The following PPP2R5A variants were observed in gnomAD, a reference collection of about 807,000 sequenced individuals.
The protein encoded by PPP2R5A is serine/threonine-protein phosphatase 2A 56 kDa regulatory subunit alpha isoform.
PPP2R5A carries 25 observed loss-of-function variants against 64.2 expected under a neutral mutation model. The observed-to-expected ratio is 0.39, with a 90% CI of 0.28 to 0.54. The LOEUF is 0.54. Among genes scored for constraint, PPP2R5A ranks in the 20% least tolerant of loss-of-function variants. The pLI is 0.67. For missense variants in PPP2R5A, 425 were observed against 576.3 expected, an observed-to-expected ratio of 0.74 and a Z score of 2.69; for synonymous variants, 198 against 201.2, an observed-to-expected ratio of 0.98 and a Z score of 0.13.
intron 1 of PPP2R5A, among the ~76,000 whole-genome samples, chr1:212,289,973 G>A (rs564766801): frequency 8.5e-5 from 13 of 152,264 alleles, no homozygotes; most frequent in Middle Eastern, 3.4e-3. Context: ...TTTACCAAGC[G>A]AAGAAATCAA....
intron 8 of PPP2R5A, among the ~76,000 whole-genome samples, chr1:212,350,789 TTTTA>T (rs766575789): frequency 4.1e-4 from 62 of 151,954 alleles, no homozygotes; most frequent in Non-Finnish European, 4.1e-4. Context: ...ACAAATAAAA[TTTTA>T]TTTAATTAAT....
At chr1:212,316,569 T>A (rs1191032305) in intron 1 of PPP2R5A, among the ~76,000 whole-genome samples, 4 of 147,772 alleles carry the variant, frequency 2.7e-5, no homozygotes, top group African/African-American at 1.0e-4. Flanking sequence ...TCCATGGATA[T>A]TTAACCTTTG....
At chr1:212,342,358 G>A in intron 4 of PPP2R5A, 78 bp downstream of exon 4, 3 of 1,499,806 alleles carry the variant, frequency 2.0e-6, no homozygotes, top group Non-Finnish European at 2.7e-6. Context: ...AAATAGTGTA[G>A]TCTTTCAAAA....
chr1:212,356,661 C>T lies in PPP2R5A; in HGVS notation c.963C>T (p.Thr321=). The change falls in exon 9 of 13, where the codon ACC becomes ACT. Residue 321 remains threonine, a synonymous_variant. Coordinates refer to ENST00000261461, the MANE Select transcript of PPP2R5A (RefSeq NM_006243.4). ...GACTGCTGAAATTTTGGCCAAAAACCTGCAGTCAGAAAGAGGTGGGTTTTG... is the reference window on the plus strand; with the variant it reads ...GACTGCTGAAATTTTGGCCAAAAACTTGCAGTCAGAAAGAGGTGGGTTTTG... The part of the protein sequence containing the change: ...IRGLLKFWPK[T]CSQKEVMFLG... 6.2e-7 allele frequency: 1 copy of T among 1,612,526 alleles called. No individual in the cohort carries two copies. The highest frequency in any genetic ancestry group is 1.1e-5 in the South Asian group (1 of 90,732).
rs1660084190 is a variant in PPP2R5A at position 212,361,601 on chromosome 1, G to A, written c.*831G>A. 6.5e-6 allele frequency: 1 copy of A among 152,706 alleles called. No homozygotes were observed. The highest frequency in any genetic ancestry group is 2.1e-4 in the South Asian group (1 of 4,832). The allele number at this position is 152,706 out of a possible 1,614,324, so 9.5% of individuals were successfully genotyped here. ...GGATGGAGGCTTTGAGTCCCACAGTGTGGTGATACAGAGCACTAGTTGTCA... is the reference window on the plus strand; with the variant it reads ...GGATGGAGGCTTTGAGTCCCACAGTATGGTGATACAGAGCACTAGTTGTCA... On this transcript the variant is annotated 3_prime_UTR_variant, in exon 13 of 13. Transcript: ENST00000261461.
chr1:212,308,923 T>C (rs1237742091), intron 1 of PPP2R5A: 1 of 469,210 alleles, frequency 2.1e-6, no homozygotes, highest in Non-Finnish European at 3.8e-6. Flanking sequence ...ATTTTATTCC[T>C]TTTTTCTTTT....
At chr1:212,348,755 T>C (rs1659826758) in intron 7 of PPP2R5A, among the ~76,000 whole-genome samples, 1 of 152,206 alleles carries the variant, frequency 6.6e-6, no homozygotes, top group Admixed American at 6.5e-5. Flanking sequence ...CCTAATTATG[T>C]GACTTTGAAT....
At chr1:212,320,706 C>A (rs77295414) in intron 1 of PPP2R5A, among the ~76,000 whole-genome samples, 1 of 119,080 alleles carries the variant, frequency 8.4e-6, no homozygotes, top group Non-Finnish European at 1.9e-5. Flanking sequence ...ACCTCCCTCC[C>A]GGATGGGGCG....
chr1:212,329,612 T>C (rs545822754), intron 2 of PPP2R5A, among the ~76,000 whole-genome samples: 2 of 152,264 alleles, frequency 1.3e-5, no homozygotes, highest in African/African-American at 4.8e-5. Flanking sequence ...AGGTAATTAA[T>C]GTCATGGAGG....
At chr1:212,358,893 A>G (rs1660031212) in intron 12 of PPP2R5A, 106 bp downstream of exon 12, 1 of 815,220 alleles carries the variant, frequency 1.2e-6, no homozygotes, top group East Asian at 2.9e-5. Context: ...CATATTTAAG[A>G]AGTTAATTAC....
In PPP2R5A at chr1:212,349,248, T is replaced by C; in HGVS notation, c.927+6T>C. ...ATACAACACTAACAGAGCCAGTAAG[T>C]GTTCTATTTATTTTCATGTTTTTGG... is the stretch of plus-strand genomic sequence containing the variant. On this transcript the variant is annotated splice_donor_region_variant and intron_variant, in intron 8 of 12. Transcript: ENST00000261461. 1 of 1,557,372 alleles carries C rather than the reference T, an allele frequency of 6.4e-7. No individual in the cohort carries two copies.
chr1:212,311,186 T>TAG (rs1659023134), intron 1 of PPP2R5A, among the ~76,000 whole-genome samples: 1 of 152,106 alleles, frequency 6.6e-6, no homozygotes, highest in Non-Finnish European at 1.5e-5. Flanking sequence ...AAAGTATATA[T>TAG]AGCTGCCAGG....
chr1:212,348,716 C>T (rs902048820), intron 7 of PPP2R5A, among the ~76,000 whole-genome samples: 1 of 152,174 alleles, frequency 6.6e-6, no homozygotes, highest in African/African-American at 2.4e-5. Context: ...AAGATACACA[C>T]TTTCCTCATA....
chr1:212,356,650 T>C lies in PPP2R5A; in HGVS notation c.952T>C (p.Trp318Arg). 1 of 1,612,832 alleles carries C rather than the reference T, an allele frequency of 6.2e-7. No individual in the cohort carries two copies. ...GGTGATCAGAGGACTGCTGAAATTTTGGCCAAAAACCTGCAGTCAGAAAGA... is the reference window on the plus strand; with the variant it reads ...GGTGATCAGAGGACTGCTGAAATTTCGGCCAAAAACCTGCAGTCAGAAAGA... ...EPVIRGLLKF[W>R]PKTCSQKEVM... The change falls in exon 9 of 13, where the codon TGG becomes CGG. Residue 318 changes from tryptophan (W) to arginine (R), a missense_variant. Transcript: ENST00000261461.
At chr1:212,288,262 C>T (rs1658541325) in intron 1 of PPP2R5A, among the ~76,000 whole-genome samples, 3 of 152,094 alleles carry the variant, frequency 2.0e-5, no homozygotes, top group Admixed American at 1.3e-4. Context: ...GTGATCAGGC[C>T]ACCTCAGCCT....
At chr1:212,323,598 A>G (rs981540977) in intron 1 of PPP2R5A, among the ~76,000 whole-genome samples, 4 of 152,218 alleles carry the variant, frequency 2.6e-5, no homozygotes, top group African/African-American at 9.6e-5. Context: ...GATGTGACCT[A>G]TCCCACCCAA....
chr1:212,317,940 T>G (rs1659189673), intron 1 of PPP2R5A, among the ~76,000 whole-genome samples: 1 of 150,774 alleles, frequency 6.6e-6, no homozygotes, highest in Admixed American at 6.6e-5. Flanking sequence ...GAGCTGAGAC[T>G]CAATCTCAAA....
intron 12 of PPP2R5A, among the ~76,000 whole-genome samples, chr1:212,359,406 T>C (rs1481472215): frequency 1.3e-5 from 2 of 152,226 alleles, no homozygotes; most frequent in Admixed American, 1.3e-4. Context: ...CAATAATATG[T>C]ATTTTAGAGT....
intron 4 of PPP2R5A, among the ~76,000 whole-genome samples, chr1:212,345,504 C>G (rs1055312346): frequency 6.6e-6 from 1 of 152,146 alleles, no homozygotes; most frequent in South Asian, 2.1e-4. Flanking sequence ...AAATTGTGAG[C>G]CTCTTTAGTA....
Sources: gnomAD v4.1 joint callset for allele counts (sites outside exome capture counted in the v4.1 genomes callset) on GRCh38, gnomAD v4.1.1 for gene constraint, MANE v1.5 for transcripts, NCBI Gene and HGNC (gene_info 2026-07-23, HGNC 2026-07-21) for gene names.